Variants in ASIC2 observed in about 807,000 individuals in gnomAD.
ASIC2 encodes the protein acid sensing ion channel subunit 2.
ASIC2 carries 25 observed loss-of-function variants against 57.3 expected under a neutral mutation model. The ratio of observed to expected loss-of-function variants is 0.44; its 90% CI spans 0.32 to 0.61. The LOEUF (loss-of-function observed/expected upper bound fraction) is 0.61, where lower values mean the gene tolerates loss of function less well. Among genes scored for constraint, ASIC2 ranks in the 20% least tolerant of loss-of-function variants. The pLI, the probability that ASIC2 is intolerant of heterozygous loss-of-function variation, is 0.06. For missense variants in ASIC2, 641 were observed against 738.1 expected, an observed-to-expected ratio of 0.87 and a Z score of 1.52; for synonymous variants, 319 against 307.5, an observed-to-expected ratio of 1.04 and a Z score of -0.39.
intron 1 of ASIC2, chr17:34,004,115 G>C (rs956546035): frequency 3.3e-5 from 5 of 152,122 alleles, no homozygotes; most frequent in African/African-American, 9.7e-5. Flanking sequence ...AGTTTGTTGA[G>C]TACTTTATCT....
At chr17:33,034,759 T>G (rs2091902083) in intron 3 of ASIC2, among the ~76,000 whole-genome samples, 1 of 152,214 alleles carries the variant, frequency 6.6e-6, no homozygotes, top group South Asian at 2.1e-4. Context: ...TGCTTTTCTC[T>G]CGGTCTTTGC....
At chr17:33,195,650 A>G (rs1190004326) in intron 1 of ASIC2, among the ~76,000 whole-genome samples, 1 of 152,214 alleles carries the variant, frequency 6.6e-6, no homozygotes, top group Non-Finnish European at 1.5e-5. Flanking sequence ...CCAATAATTA[A>G]AACATATTAC....
intron 1 of ASIC2, among the ~76,000 whole-genome samples, chr17:34,085,433 G>A (rs192696807): frequency 6.6e-6 from 1 of 152,112 alleles, no homozygotes; most frequent in Non-Finnish European, 1.5e-5. Context: ...TGCTGGATTC[G>A]GTTTGCCAGT....
intron 1 of ASIC2, among the ~76,000 whole-genome samples, chr17:33,485,936 T>G (rs1332506377): frequency 6.6e-6 from 1 of 152,222 alleles, no homozygotes; most frequent in Admixed American, 6.5e-5. Context: ...CTGCTCTGTC[T>G]GGTCCACTGT....
chr17:33,064,236 C>G (rs962779880), intron 3 of ASIC2, among the ~76,000 whole-genome samples: 2 of 152,198 alleles, frequency 1.3e-5, no homozygotes, highest in African/African-American at 4.8e-5. Context: ...GAGAGGCGCT[C>G]TGATTTTTAG....
At chr17:33,029,014 C>T (rs949171023) in intron 3 of ASIC2, among the ~76,000 whole-genome samples, 3 of 152,174 alleles carry the variant, frequency 2.0e-5, no homozygotes, top group African/African-American at 7.2e-5. Context: ...GTCCAGTGAT[C>T]ATAAATGCTC....
At chr17:33,104,410 C>T (rs924750388) in intron 2 of ASIC2, among the ~76,000 whole-genome samples, 3 of 152,174 alleles carry the variant, frequency 2.0e-5, no homozygotes, top group African/African-American at 7.2e-5. Flanking sequence ...ATGGACACAG[C>T]CATGGAACCA....
chr17:33,031,596 C>A (rs1427011370), intron 3 of ASIC2, among the ~76,000 whole-genome samples: 1 of 152,130 alleles, frequency 6.6e-6, no homozygotes, highest in African/African-American at 2.4e-5. Flanking sequence ...TACTGTTTTA[C>A]AAAAGGCAAT....
At chr17:33,421,333 T>C (rs1355430049) in intron 1 of ASIC2, among the ~76,000 whole-genome samples, 7 of 152,172 alleles carry the variant, frequency 4.6e-5, no homozygotes, top group Admixed American at 3.3e-4. Context: ...ATCTGAAATA[T>C]GGGAAAGAAA....
chr17:34,086,316 C>T (rs533638062), intron 1 of ASIC2, among the ~76,000 whole-genome samples: 7 of 152,078 alleles, frequency 4.6e-5, no homozygotes, highest in Admixed American at 1.3e-4. Flanking sequence ...CATTCAGGAG[C>T]AGGTTGTTCA....
At chr17:33,036,188 T>C (rs1234342549) in intron 3 of ASIC2, among the ~76,000 whole-genome samples, 1 of 152,250 alleles carries the variant, frequency 6.6e-6, no homozygotes, top group Non-Finnish European at 1.5e-5. Flanking sequence ...CTTGAATATT[T>C]GCAGGGCTCT....
At chr17:33,953,270 T>A (rs541666180) in intron 1 of ASIC2, among the ~76,000 whole-genome samples, 1 of 152,202 alleles carries the variant, frequency 6.6e-6, no homozygotes, top group Non-Finnish European at 1.5e-5. Flanking sequence ...TGCTTTAAAA[T>A]CTGAAACAAA....
intron 1 of ASIC2, among the ~76,000 whole-genome samples, chr17:33,755,199 T>C (rs1173861898): frequency 1.3e-5 from 2 of 152,008 alleles, no homozygotes; most frequent in South Asian, 2.1e-4. Flanking sequence ...CAGGGTGAGG[T>C]GGCCACAAGC....
intron 1 of ASIC2, among the ~76,000 whole-genome samples, chr17:34,045,237 T>C (rs1289855918): frequency 1.3e-5 from 2 of 152,102 alleles, no homozygotes; most frequent in Non-Finnish European, 2.9e-5. Flanking sequence ...ACACAGGTAG[T>C]AATATTCCCA....
chr17:33,104,260 C>T (rs2092226351), intron 2 of ASIC2, among the ~76,000 whole-genome samples: 1 of 152,200 alleles, frequency 6.6e-6, no homozygotes, highest in Non-Finnish European at 1.5e-5. Context: ...CTCCCATAAA[C>T]ACATATGTTC....
At chr17:33,870,112 A>G (rs1914353695) in intron 1 of ASIC2, among the ~76,000 whole-genome samples, 2 of 151,984 alleles carry the variant, frequency 1.3e-5, no homozygotes, top group East Asian at 1.9e-4. Flanking sequence ...ACAGAATCAT[A>G]TCTAATTGAT....
chr17:33,798,605 C>T (rs1413822831), intron 1 of ASIC2, among the ~76,000 whole-genome samples: 5 of 152,172 alleles, frequency 3.3e-5, no homozygotes, highest in Non-Finnish European at 1.5e-5. Context: ...TGCTTATTCA[C>T]TTGTCTGTTT....
rs570808278 is a variant in ASIC2, at chr17:33,749,738, G to A, written c.555+406240C>T. On this transcript the variant is annotated intron_variant, in intron 1 of 9. Coordinates refer to the ASIC2 transcript ENST00000359872. The stretch of plus-strand genomic sequence containing the variant: ...GCCTCCAGTCAACACCCACTTCACC[G>A]TCAGCCCTGCCTGCTCTCCAATTTG... Among the ~76,000 whole-genome samples, 5 of 152,178 alleles carry A rather than the reference G, an allele frequency of 3.3e-5. No homozygotes were observed. The East Asian group carries it at 5.8e-4, about 18-fold the overall frequency.
rs1908947846 is a variant in ASIC2 at position 33,369,241 on chromosome 17, A to G, written c.556-257174T>C. Among the ~76,000 whole-genome samples the G allele has an allele frequency of 2.6e-5, 4 of 152,194 alleles. No homozygotes were observed. The East Asian group carries it at 5.8e-4, about 22-fold the overall frequency. ...CCCTAAGAATAGCAGACTCTGACACATGGAGAGCCAGTAAGAGTTAAAAGC... is the reference window on the plus strand; with the variant it reads ...CCCTAAGAATAGCAGACTCTGACACGTGGAGAGCCAGTAAGAGTTAAAAGC... On this transcript the variant is annotated intron_variant, in intron 1 of 9. Transcript: ENST00000359872.
Sources: allele counts gnomAD v4.1 joint callset (sites outside exome capture counted in the v4.1 genomes callset), GRCh38; gene constraint gnomAD v4.1.1; transcripts MANE v1.5; gene names NCBI Gene and HGNC (gene_info 2026-07-23, HGNC 2026-07-21).